The following CFLAR variants were observed in gnomAD, a reference collection of about 807,000 sequenced individuals.
The protein encoded by CFLAR is CASP8 and FADD-like apoptosis regulator.
A neutral mutation model predicts 51.1 loss-of-function variants in CFLAR; 14 were observed. The observed-to-expected ratio is 0.27, with a 90% CI of 0.18 to 0.43. The LOEUF (loss-of-function observed/expected upper bound fraction) is 0.43. Ranked by LOEUF, CFLAR falls within the 20% of genes least tolerant of loss-of-function variation. The probability of loss-of-function intolerance (pLI) is 1.00; values close to 1 mark genes in which losing one functional copy is unlikely to be tolerated. For missense variants in CFLAR, 390 were observed against 566.5 expected (o/e 0.69, Z 3.16); for synonymous variants, 210 against 211.6 (o/e 0.99, Z 0.06).
At chr2:201,162,380 G>C (rs971060057) in intron 9 of CFLAR, 7 of 152,260 alleles carry the variant, frequency 4.6e-5, no homozygotes, top group Non-Finnish European at 7.3e-5. Context: ...GAGCCACTGC[G>C]CCCAGCCTGG....
intron 4 of CFLAR, chr2:201,139,851 C>G (rs1228820400): frequency 6.5e-6 from 1 of 153,244 alleles, no homozygotes; most frequent in Non-Finnish European, 1.5e-5. Context: ...GAACGCCGGT[C>G]CCCTGGGCCC....
In CFLAR at chr2:201,118,209, A is replaced by G. The variant is rs892848716; in HGVS notation, c.-138+1728A>G. 1.3e-5 allele frequency among the ~76,000 whole-genome samples: 2 copies of G among 152,176 alleles called. No individual in the cohort carries two copies. Among genetic ancestry groups the G allele is most frequent in the African/African-American group, 4.8e-5 (2 of 41,426 alleles). On this transcript the variant is annotated intron_variant, in intron 1 of 9. Transcript: ENST00000309955. This position sits in a 1 kb window ranked among gnomAD's most constrained non-coding sequence, Gnocchi z 5.1. ...TAAAATGGCTTTCTCTAGCGACTTT[A>G]TGTTTTACGTTTCTGTTTGTAACTG...
intron 3 of CFLAR, among the ~76,000 whole-genome samples, chr2:201,133,742 A>G (rs550152675): frequency 6.6e-6 from 1 of 152,004 alleles, no homozygotes; most frequent in South Asian, 2.1e-4. Flanking sequence ...CAACCTGGCT[A>G]ACACGGTGAA....
chr2:201,136,542 T>C, intron 4 of CFLAR: 2 of 1,501,238 alleles, frequency 1.3e-6, no homozygotes, highest in Non-Finnish European at 1.8e-6. Flanking sequence ...AACCTCCTTA[T>C]GGAAAAGAGC....
rs1211808930 is a variant in CFLAR, at chr2:201,176,661, G to A, written c.*12688G>A. On this transcript the variant is annotated 3_prime_UTR_variant, in exon 10 of 10. Coordinates refer to ENST00000309955, the MANE Select transcript of CFLAR (RefSeq NM_003879.7). Reference sequence around the variant, plus strand: ...GCGTTTATCTTACCTTTTTTGAGCAGCATTAAAACTGTTTTACTCAGACCA... The same window carrying A: ...GCGTTTATCTTACCTTTTTTGAGCAACATTAAAACTGTTTTACTCAGACCA... 1 of 152,034 alleles carries A rather than the reference G, an allele frequency of 6.6e-6. No individual in the cohort carries two copies. Among genetic ancestry groups the A allele is most frequent in the Non-Finnish European group, 1.5e-5 (1 of 68,014 alleles). The allele number at this position is 152,034 out of a possible 1,614,324, so 9.4% of individuals were successfully genotyped here. A position where few individuals can be genotyped will look rare whatever the true frequency, so the allele number is the denominator to read the frequency against.
chr2:201,146,578 A>T (rs979744211), intron 6 of CFLAR: 7 of 152,322 alleles, frequency 4.6e-5, no homozygotes, highest in Non-Finnish European at 7.3e-5. Flanking sequence ...CACTGCACCC[A>T]GCAAAAGTTT....
intron 2 of CFLAR, 41 bp downstream of exon 2, chr2:201,130,187 G>GGGGGGGGGCCA: frequency 3.4e-6 from 1 of 292,394 alleles, no homozygotes; most frequent in Non-Finnish European, 7.1e-6. Context: ...GGGTGGGAGG[G>GGGGGGGGGCCA]AGTGAAGTGT....
chr2:201,145,414 G>A lies in CFLAR; in HGVS notation c.643G>A (p.Glu215Lys). 6.2e-7 allele frequency: 1 copy of A among 1,607,354 alleles called. No individual in the cohort carries two copies. The highest frequency in any genetic ancestry group is 1.3e-5 in the African/African-American group (1 of 74,854). The stretch of plus-strand genomic sequence containing the variant: ...GAGAAGTAAAGAACAAAGACTTAAG[G>A]AACAGCTTGGCGCTCAACGTAAGAC... The part of the protein sequence containing the change: ...NGRSKEQRLK[E>K]QLGAQQEPVK... Residue 215 changes from glutamate (E) to lysine (K), a missense_variant, in exon 6 of 10, where the codon GAA (glutamate) becomes AAA (lysine). Glu to Lys is a moderately conservative substitution (Grantham distance 56, BLOSUM62 1). Around this residue, in one of 2 missense-constraint regions of CFLAR, gnomAD observed 287 missense variants for 363.6 expected, o/e 0.79. Coordinates refer to ENST00000309955, the MANE Select transcript of CFLAR (RefSeq NM_003879.7).
Position 201,165,075 on chromosome 2 carries a change from G to C in CFLAR, c.*1102G>C, listed in dbSNP as rs528115170. 1.3e-5 allele frequency: 2 copies of C among 151,950 alleles called. No individual in the cohort carries two copies. Among genetic ancestry groups the C allele is most frequent in the African/African-American group, 4.8e-5 (2 of 41,328 alleles). The allele number at this position is 151,950 out of a possible 1,614,324, so 9.4% of individuals were successfully genotyped here. A position where few individuals can be genotyped will look rare whatever the true frequency, so the allele number is the denominator to read the frequency against. On this transcript the variant is annotated 3_prime_UTR_variant, in exon 10 of 10. Transcript: ENST00000309955. ...GATACTGTCTCCCCTTTGAATTCTG[G>C]GGGGAATACAAACATTCAGTTTGTA...
chr2:201,170,556 T>C lies in CFLAR; in HGVS notation c.*6583T>C, dbSNP rs1452622070. On this transcript the variant is annotated 3_prime_UTR_variant, in exon 10 of 10. Transcript: ENST00000309955. ...AATTATGGATTTAAAATACATATCATTTTCTAACTCCAAAGGTAATACTTA... is the reference window on the plus strand; with the variant it reads ...AATTATGGATTTAAAATACATATCACTTTCTAACTCCAAAGGTAATACTTA... 6.6e-6 allele frequency: 1 copy of C among 152,238 alleles called. No individual in the cohort carries two copies. The highest frequency in any genetic ancestry group is 1.5e-5 in the Non-Finnish European group (1 of 68,040). The allele number at this position is 152,238 out of a possible 1,614,324, so 9.4% of individuals were successfully genotyped here. A position where few individuals can be genotyped will look rare whatever the true frequency, so the allele number is the denominator to read the frequency against.
rs530606093 is a variant in CFLAR at position 201,137,101 on chromosome 2, C to T, written c.523+994C>T. On this transcript the variant is annotated intron_variant, in intron 4 of 9. Transcript: ENST00000309955. ...AAGTGCCACATGCCTGAGGGGGCAGCGGCCTGGGAAGGGCCAGAGGCAGGG... is the reference window on the plus strand; with the variant it reads ...AAGTGCCACATGCCTGAGGGGGCAGTGGCCTGGGAAGGGCCAGAGGCAGGG... The T allele has an allele frequency of 1.7e-4, 30 of 177,672 alleles. No individual in the cohort carries two copies. The South Asian group carries it at 2.4e-3, about 14-fold the overall frequency. 11.0% of individuals were successfully genotyped at this position (177,672 alleles called of 1,614,324 possible). A position where few individuals can be genotyped will look rare whatever the true frequency, so the allele number is the denominator to read the frequency against.
chr2:201,125,502 G>T (rs950246997), intron 1 of CFLAR, among the ~76,000 whole-genome samples: 2 of 152,002 alleles, frequency 1.3e-5, no homozygotes, highest in Non-Finnish European at 2.9e-5. Context: ...AGACATAGGG[G>T]ATTAGTAGAG....
rs544257951 is a variant in CFLAR, at chr2:201,138,517, GCAT to G, written c.524-1834_524-1832del. 149 of 1,468,996 alleles carry G rather than the reference GCAT, an allele frequency of 1.0e-4. 1 individual carries two copies. The African/African-American group carries it at 1.8e-3, about 18-fold the overall frequency. The allele number at this position is 1,468,996 out of a possible 1,614,324, so 91.0% of individuals were successfully genotyped here. ...GGAGCCACCACTAGCTTGATCCTTG[GCAT>G]CATCACCTCACTGAGGAGGGTGGTG... On this transcript the variant is annotated intron_variant, in intron 4 of 9. Coordinates refer to ENST00000309955, the MANE Select transcript of CFLAR (RefSeq NM_003879.7). This position sits in a 1 kb window ranked among gnomAD's most constrained non-coding sequence, Gnocchi z 4.0.
intron 8 of CFLAR, among the ~76,000 whole-genome samples, chr2:201,155,474 G>A (rs1942011497): frequency 6.6e-6 from 1 of 152,068 alleles, no homozygotes; most frequent in African/African-American, 2.4e-5. Flanking sequence ...ATGTTGGCCA[G>A]GCTAGTCTTG....
Position 201,163,263 on chromosome 2 carries a change from T to A in CFLAR, c.1305-572T>A, listed in dbSNP as rs1278259621. 2.3e-6 allele frequency: 3 copies of A among 1,291,052 alleles called. No homozygotes were observed. In the African/African-American group the frequency reaches 4.5e-5, roughly 19 times the overall value. The allele number at this position is 1,291,052 out of a possible 1,614,324, so 80.0% of individuals were successfully genotyped here. On this transcript the variant is annotated intron_variant, in intron 9 of 9. Transcript: ENST00000309955. The stretch of plus-strand genomic sequence containing the variant: ...ATGTTTATTGGCAAGAATACTTTTC[T>A]AAGAGAAACATCAGTGAGCTGGTTT...
At chr2:201,154,702 C>A (rs1360935813) in intron 8 of CFLAR, 2 of 152,262 alleles carry the variant, frequency 1.3e-5, no homozygotes, top group Non-Finnish European at 2.9e-5. Context: ...AGCAGACTCT[C>A]TTCTACCTAT....
In CFLAR at chr2:201,138,524, C is replaced by T. The variant is rs1361155126; in HGVS notation, c.524-1833C>T. On this transcript the variant is annotated intron_variant, in intron 4 of 9. Transcript: ENST00000309955. The surrounding 1 kb of genome is among the most constrained non-coding windows in gnomAD (Gnocchi z 4.0). ...CCACTAGCTTGATCCTTGGCATCAT[C>T]ACCTCACTGAGGAGGGTGGTGTGGT... The T allele has an allele frequency of 6.6e-7, 1 of 1,526,014 alleles. No homozygotes were observed. The highest frequency in any genetic ancestry group is 9.0e-7 in the Non-Finnish European group (1 of 1,111,886). The allele number at this position is 1,526,014 out of a possible 1,614,324, so 94.5% of individuals were successfully genotyped here.
rs1274990145 is a variant in CFLAR at position 201,165,650 on chromosome 2, A to T, written c.*1677A>T. On this transcript the variant is annotated 3_prime_UTR_variant, in exon 10 of 10. Transcript: ENST00000309955. ...ACAGAGGGTGATTTGGCAGGGTCAC[A>T]GGACAATAGTGGAGGGAAGGTCAGC... 1 of 155,952 alleles carries T rather than the reference A, an allele frequency of 6.4e-6. No homozygotes were observed. Among genetic ancestry groups the T allele is most frequent in the Non-Finnish European group, 1.4e-5 (1 of 71,112 alleles). The allele number at this position is 155,952 out of a possible 1,614,324, so 9.7% of individuals were successfully genotyped here.
rs2049928616 is a variant in CFLAR, at chr2:201,135,106, T to C, written c.388-866T>C. On this transcript the variant is annotated intron_variant, in intron 3 of 9. Coordinates refer to ENST00000309955, the MANE Select transcript of CFLAR (RefSeq NM_003879.7). The stretch of plus-strand genomic sequence containing the variant: ...TGAAATATCGTTCGTTCATAATCAC[T>C]GTGGCCCAAGGTAAACGAATAGCAG... Among the ~76,000 whole-genome samples the C allele has an allele frequency of 2.0e-5, 3 of 152,252 alleles. No homozygotes were observed. In the South Asian group the frequency reaches 6.2e-4, roughly 31 times the overall value.
Sources: gnomAD v4.1 joint callset for allele counts (sites outside exome capture counted in the v4.1 genomes callset) on GRCh38, gnomAD v4.1.1 for gene constraint, gnomAD v4.1.1 regional missense constraint, Gnocchi (gnomAD v3.1) non-coding constraint, MANE v1.5 for transcripts, NCBI Gene and HGNC (gene_info 2026-07-23, HGNC 2026-07-21) for gene names.